CAMTA1: variants seen among roughly 807,000 people sequenced by gnomAD.
The protein encoded by CAMTA1 is calmodulin binding transcription activator 1.
A neutral mutation model predicts 170.9 loss-of-function variants in CAMTA1; 27 were observed. That is an observed-to-expected ratio of 0.16 (90% confidence interval 0.12 to 0.22). The LOEUF (loss-of-function observed/expected upper bound fraction) is 0.22. Among genes scored for constraint, CAMTA1 ranks in the 10% least tolerant of loss-of-function variants. The pLI is 1.00. For missense variants in CAMTA1, 1,619 were observed against 2,217.2 expected, an observed-to-expected ratio of 0.73 and a Z score of 5.42; for synonymous variants, 833 against 891.5, an observed-to-expected ratio of 0.93 and a Z score of 1.17.
At position 7,592,802 on chromosome 1, in the gene CAMTA1, A is replaced by G. The variant is rs1374311418; in HGVS notation, c.511-47598A>G. Among the ~76,000 whole-genome samples the G allele has an allele frequency of 6.6e-6, 1 of 152,070 alleles. No individual in the cohort carries two copies. Among genetic ancestry groups the G allele is most frequent in the Non-Finnish European group, 1.5e-5 (1 of 68,010 alleles). On this transcript the variant is annotated intron_variant, in intron 6 of 22. Coordinates refer to ENST00000303635, the MANE Select transcript of CAMTA1 (RefSeq NM_015215.4). The surrounding 1 kb of genome is among the most constrained non-coding windows in gnomAD (Gnocchi z 4.6). ...CGAGAGCTCCTCCCCACCCTCACAC[A>G]CCTCAGCCTCTATAACAGTAACAAC...
chr1:6,951,214 G>C (rs1330774180), intron 3 of CAMTA1, among the ~76,000 whole-genome samples: 1 of 152,220 alleles, frequency 6.6e-6, no homozygotes, highest in Non-Finnish European at 1.5e-5. Flanking sequence ...ACAGGAGTCT[G>C]ACATCTGTCT....
chr1:7,124,070 G>A (rs1041679519), intron 4 of CAMTA1, among the ~76,000 whole-genome samples: 3 of 152,168 alleles, frequency 2.0e-5, no homozygotes, highest in African/African-American at 7.2e-5. Context: ...CGCAGCTATA[G>A]TGGTGTTTCC....
At chr1:7,032,117 C>G (rs574868524) in intron 3 of CAMTA1, among the ~76,000 whole-genome samples, 1 of 152,116 alleles carries the variant, frequency 6.6e-6, no homozygotes, top group Non-Finnish European at 1.5e-5. Flanking sequence ...AGGCACCCAC[C>G]ACCATGTCTA....
At chr1:7,625,123 G>A (rs1466927009) in intron 6 of CAMTA1, among the ~76,000 whole-genome samples, 1 of 152,146 alleles carries the variant, frequency 6.6e-6, no homozygotes, top group Non-Finnish European at 1.5e-5. Flanking sequence ...AGGAAATGGG[G>A]AGCCAGGAAA....
intron 3 of CAMTA1, among the ~76,000 whole-genome samples, chr1:6,886,514 T>G (rs894156117): frequency 1.3e-5 from 2 of 152,240 alleles, no homozygotes; most frequent in Non-Finnish European, 2.9e-5. Flanking sequence ...TCAGTACCTG[T>G]TCTAGGTACT....
Position 7,173,289 on chromosome 1 carries a change from T to G in CAMTA1, c.303-76202T>G, listed in dbSNP as rs2148836549. Among the ~76,000 whole-genome samples the G allele has an allele frequency of 6.6e-6, 1 of 152,262 alleles. No individual in the cohort carries two copies. The highest frequency in any genetic ancestry group is 2.4e-5 in the African/African-American group (1 of 41,568). On this transcript the variant is annotated intron_variant, in intron 4 of 22. Transcript: ENST00000303635. This position sits in a 1 kb window ranked among gnomAD's most constrained non-coding sequence, Gnocchi z 5.4. Reference sequence around the variant, plus strand: ...CCTGAGGCGGAGTTGTGAGCTGAAATGAACAGAAGGCAGAGCGGGGTGCAG... The same window carrying G: ...CCTGAGGCGGAGTTGTGAGCTGAAAGGAACAGAAGGCAGAGCGGGGTGCAG...
At chr1:7,684,490 G>A (rs928480917) in intron 11 of CAMTA1, among the ~76,000 whole-genome samples, 6 of 152,172 alleles carry the variant, frequency 3.9e-5, no homozygotes, top group Admixed American at 2.6e-4. Flanking sequence ...CACCAAAGGC[G>A]CTAGGGAGGG....
rs2100762711 is a variant in CAMTA1, at chr1:7,010,112, T to C, written c.235-81192T>C. 6.6e-6 allele frequency among the ~76,000 whole-genome samples: 1 copy of C among 152,282 alleles called. No individual in the cohort carries two copies. Among genetic ancestry groups the C allele is most frequent in the South Asian group, 2.1e-4 (1 of 4,822 alleles). ...TTTGTTTCTTCTGGATTTGGATTTGTCCCCAGGACAGACGTCCTTGGGTCT... is the reference window on the plus strand; with the variant it reads ...TTTGTTTCTTCTGGATTTGGATTTGCCCCCAGGACAGACGTCCTTGGGTCT... On this transcript the variant is annotated intron_variant, in intron 3 of 22. Transcript: ENST00000303635. This position sits in a 1 kb window ranked among gnomAD's most constrained non-coding sequence, Gnocchi z 4.4.
At chr1:7,314,191 C>A (rs989608806) in intron 5 of CAMTA1, among the ~76,000 whole-genome samples, 1 of 152,126 alleles carries the variant, frequency 6.6e-6, no homozygotes, top group Admixed American at 6.5e-5. Flanking sequence ...TCCAGAGCAC[C>A]CCTGGAATCT....
chr1:7,699,084 A>G (rs2096410620), intron 11 of CAMTA1, among the ~76,000 whole-genome samples: 1 of 152,068 alleles, frequency 6.6e-6, no homozygotes, highest in African/African-American at 2.4e-5. Flanking sequence ...TTCTCTTTCT[A>G]TTCTCCTTTG....
At chr1:7,459,913 T>A (rs1427468071) in intron 5 of CAMTA1, among the ~76,000 whole-genome samples, 1 of 152,222 alleles carries the variant, frequency 6.6e-6, no homozygotes, top group Non-Finnish European at 1.5e-5. Context: ...AGAGCCAAAG[T>A]TCTAGTCCTG....
At chr1:7,761,621 C>A (rs531214538) in intron 22 of CAMTA1, among the ~76,000 whole-genome samples, 1 of 152,226 alleles carries the variant, frequency 6.6e-6, no homozygotes. Flanking sequence ...CCTGGATTTT[C>A]AAGTCTAATT....
intron 1 of CAMTA1, among the ~76,000 whole-genome samples, chr1:6,790,373 A>AGTGT (rs745323931): frequency 1.1e-3 from 158 of 139,936 alleles, no homozygotes; most frequent in Middle Eastern, 7.9e-3. Flanking sequence ...AGAGAGAGAG[A>AGTGT]GAGTGTGTGT....
At chr1:7,149,178 G>A (rs541445348) in intron 4 of CAMTA1, among the ~76,000 whole-genome samples, 57 of 152,328 alleles carry the variant, frequency 3.7e-4, no homozygotes, top group Non-Finnish European at 6.6e-4. Context: ...TGGAGAGGGC[G>A]GCTTTCCCCG....
chr1:6,926,470 T>TTCTTTCTTTCTC (rs1298419006), intron 3 of CAMTA1, among the ~76,000 whole-genome samples: 6 of 145,214 alleles, frequency 4.1e-5, no homozygotes, highest in Admixed American at 4.1e-4. Flanking sequence ...CTTTCTTTCT[T>TTCTTTCTTTCTC]TCTTTCTTTC....
chr1:7,494,952 C>T (rs1047089975), intron 6 of CAMTA1, among the ~76,000 whole-genome samples: 41 of 152,256 alleles, frequency 2.7e-4, no homozygotes, highest in East Asian at 3.9e-4. Context: ...TCTCTACGCC[C>T]TCAGACTGGG....
intron 4 of CAMTA1, among the ~76,000 whole-genome samples, chr1:7,230,053 G>A (rs1662442137): frequency 6.6e-6 from 1 of 152,116 alleles, no homozygotes; most frequent in Non-Finnish European, 1.5e-5. Flanking sequence ...CGGAGAAGGG[G>A]CTGAGGTATG....
intron 5 of CAMTA1, among the ~76,000 whole-genome samples, chr1:7,357,122 C>T (rs1215709544): frequency 3.9e-5 from 6 of 152,230 alleles, no homozygotes; most frequent in African/African-American, 1.2e-4. Flanking sequence ...GTGGATTTCT[C>T]GGCTCAGGGA....
chr1:7,262,092 A>G (rs1161803719), intron 5 of CAMTA1, among the ~76,000 whole-genome samples: 5 of 152,214 alleles, frequency 3.3e-5, no homozygotes, highest in African/African-American at 1.2e-4. Flanking sequence ...AATTAGACCT[A>G]ATTGTCAACA....
Sources: gnomAD v4.1 joint callset for allele counts (sites outside exome capture counted in the v4.1 genomes callset) on GRCh38, gnomAD v4.1.1 for gene constraint, Gnocchi (gnomAD v3.1) non-coding constraint, MANE v1.5 for transcripts, NCBI Gene and HGNC (gene_info 2026-07-23, HGNC 2026-07-21) for gene names.